The following PTPRT variants were observed in gnomAD, a reference collection of about 807,000 sequenced individuals.
PTPRT encodes protein tyrosine phosphatase receptor type T.
PTPRT carries 56 observed loss-of-function variants against 176.8 expected under a neutral mutation model. The observed-to-expected ratio is 0.32, with a 90% CI of 0.26 to 0.40. The LOEUF (loss-of-function observed/expected upper bound fraction) is 0.40. PTPRT is among the 10% of genes least tolerant of loss of function. PTPRT has a pLI of 1.00. For synonymous variants in PTPRT, 783 were observed against 739.0 expected, an observed-to-expected ratio of 1.06 and a Z score of -0.96; for missense variants, 1,540 against 1,908.2, an observed-to-expected ratio of 0.81 and a Z score of 3.60.
intron 7 of PTPRT, among the ~76,000 whole-genome samples, chr20:42,563,705 T>C (rs1440137571): frequency 6.6e-6 from 1 of 152,226 alleles, no homozygotes; most frequent in Non-Finnish European, 1.5e-5. Context: ...CATGGAGAGC[T>C]GTTCATATCC....
chr20:42,123,467 A>G (rs1987694185), intron 19 of PTPRT, among the ~76,000 whole-genome samples: 1 of 152,210 alleles, frequency 6.6e-6, no homozygotes, highest in Non-Finnish European at 1.5e-5. Flanking sequence ...ACTAATGGGA[A>G]GATGTGGGGA....
chr20:43,130,814 CAA>C (rs77205622), intron 1 of PTPRT, among the ~76,000 whole-genome samples: 5 of 117,412 alleles, frequency 4.3e-5, no homozygotes, highest in Non-Finnish European at 5.5e-5. Context: ...GAAGGATTTT[CAA>C]AAAAAAAAAA....
intron 7 of PTPRT, among the ~76,000 whole-genome samples, chr20:42,638,129 A>T (rs1009236557): frequency 6.6e-6 from 1 of 152,154 alleles, no homozygotes; most frequent in South Asian, 2.1e-4. Flanking sequence ...TTATCAGCAC[A>T]CTACTGATTC....
intron 22 of PTPRT, among the ~76,000 whole-genome samples, chr20:42,110,892 G>A (rs981981768): frequency 2.0e-5 from 3 of 152,178 alleles, no homozygotes; most frequent in South Asian, 2.1e-4. Context: ...TGTTTCCAGT[G>A]GAATCTGAGG....
At chr20:42,215,540 C>A (rs755696356) in intron 15 of PTPRT, among the ~76,000 whole-genome samples, 1 of 152,080 alleles carries the variant, frequency 6.6e-6, no homozygotes, top group Non-Finnish European at 1.5e-5. Flanking sequence ...ATCTGCTTCC[C>A]AAGATGAGCA....
At chr20:42,676,865 C>A (rs2075513826) in intron 7 of PTPRT, among the ~76,000 whole-genome samples, 1 of 152,130 alleles carries the variant, frequency 6.6e-6, no homozygotes, top group Non-Finnish European at 1.5e-5. Context: ...TGTTGTTAGC[C>A]AATAGCCCCT....
chr20:42,157,710 C>T (rs1349296552), intron 17 of PTPRT, among the ~76,000 whole-genome samples: 1 of 152,138 alleles, frequency 6.6e-6, no homozygotes, highest in Non-Finnish European at 1.5e-5. Flanking sequence ...GTCAAATTCC[C>T]CTCTCCTAGA....
In PTPRT at chr20:42,153,472, C is replaced by A. The variant is rs189314791; in HGVS notation, c.2682+7880G>T. 1.5e-3 allele frequency among the ~76,000 whole-genome samples: 228 copies of A among 152,208 alleles called. 1 individual carries two copies. The highest frequency in any genetic ancestry group is 6.2e-4 in the Non-Finnish European group (42 of 68,002). On this transcript the variant is annotated intron_variant, in intron 17 of 30. Coordinates refer to ENST00000373187, the MANE Select transcript of PTPRT (RefSeq NM_007050.6). ...TCAAAGGATTTTTCTATAGTACCAC[C>A]TGAAAATTGCTCACTTGGTTGGGGG...
chr20:42,074,658 C>G lies in PTPRT; in HGVS notation c.*6221G>C, dbSNP rs1982600713. The G allele has an allele frequency of 2.5e-6, 1 of 397,276 alleles. No homozygotes were observed. Among genetic ancestry groups the G allele is most frequent in the Non-Finnish European group, 4.4e-6 (1 of 225,584 alleles). The allele number at this position is 397,276 out of a possible 1,614,324, so 24.6% of individuals were successfully genotyped here. A position where few individuals can be genotyped will look rare whatever the true frequency, so the allele number is the denominator to read the frequency against. On this transcript the variant is annotated 3_prime_UTR_variant, in exon 31 of 31. Transcript: ENST00000373187. ...TGCCCCAGTGGACCACCCCTGAGCT[C>G]TTAGATAGGTGGGATGCTAGGTTTG...
chr20:42,612,639 T>C (rs2073994663), intron 7 of PTPRT, among the ~76,000 whole-genome samples: 1 of 152,196 alleles, frequency 6.6e-6, no homozygotes, highest in Non-Finnish European at 1.5e-5. Flanking sequence ...AGTAGACAGC[T>C]GTCTGCTCCA....
rs946899310 is a variant in PTPRT, at chr20:42,858,657, C to T, written c.214+27150G>A. Among the ~76,000 whole-genome samples, 6 of 152,174 alleles carry T rather than the reference C, an allele frequency of 3.9e-5. No individual in the cohort carries two copies. The South Asian group carries it at 1.0e-3, about 26-fold the overall frequency. Reference sequence around the variant, plus strand: ...TCACGAGATATGGAATCTTCTAGCACCTTGATCTTCAACTTCCCAGCCTCT... The same window carrying T: ...TCACGAGATATGGAATCTTCTAGCATCTTGATCTTCAACTTCCCAGCCTCT... On this transcript the variant is annotated intron_variant, in intron 2 of 30. Coordinates refer to ENST00000373187, the MANE Select transcript of PTPRT (RefSeq NM_007050.6).
At chr20:42,488,950 CAA>C (rs34356678) in intron 7 of PTPRT, among the ~76,000 whole-genome samples, 39 of 118,738 alleles carry the variant, frequency 3.3e-4, no homozygotes, top group East Asian at 5.0e-4. Flanking sequence ...AACTCTGTCT[CAA>C]AAAAAAAAAA....
At chr20:42,306,140 C>T (rs1370380277) in intron 12 of PTPRT, among the ~76,000 whole-genome samples, 1 of 152,138 alleles carries the variant, frequency 6.6e-6, no homozygotes, top group Admixed American at 6.5e-5. Context: ...AGGTCTCATA[C>T]CATGATAATA....
intron 13 of PTPRT, among the ~76,000 whole-genome samples, chr20:42,278,897 T>G (rs1178432202): frequency 6.6e-6 from 1 of 152,192 alleles, no homozygotes; most frequent in African/African-American, 2.4e-5. Context: ...TAAGCACCTG[T>G]GGCTGACATC....
chr20:42,987,032 G>A (rs1367590020), intron 1 of PTPRT, among the ~76,000 whole-genome samples: 1 of 152,116 alleles, frequency 6.6e-6, no homozygotes, highest in Non-Finnish European at 1.5e-5. Context: ...ATGGTACTGG[G>A]GCTGTAGGAA....
chr20:42,964,062 T>C (rs542675040), intron 1 of PTPRT, among the ~76,000 whole-genome samples: 2 of 152,198 alleles, frequency 1.3e-5, no homozygotes, highest in Non-Finnish European at 1.5e-5. Context: ...TGCCAGCCCC[T>C]GCAACCTACT....
chr20:42,340,443 A>AT (rs780043916), intron 11 of PTPRT, among the ~76,000 whole-genome samples: 1 of 152,126 alleles, frequency 6.6e-6, no homozygotes, highest in Non-Finnish European at 1.5e-5. Context: ...GTAACCACAC[A>AT]TTTTTTTGGC....
chr20:42,363,777 G>A (rs6065466), intron 9 of PTPRT, among the ~76,000 whole-genome samples: 39,359 of 151,934 alleles, frequency 0.26, 5,555 homozygotes, highest in African/African-American at 0.36. Flanking sequence ...AGACTTAAGG[G>A]GAGCAACTTC....
intron 15 of PTPRT, among the ~76,000 whole-genome samples, chr20:42,217,265 G>C (rs6030056): frequency 0.62 from 94,659 of 151,592 alleles, 30,390 homozygotes; most frequent in African/African-American, 0.77. Flanking sequence ...CCCAGCTACT[G>C]GGGAGGCTGA....
Sources: allele counts gnomAD v4.1 joint callset (sites outside exome capture counted in the v4.1 genomes callset), GRCh38; gene constraint gnomAD v4.1.1; transcripts MANE v1.5; gene names NCBI Gene and HGNC (gene_info 2026-07-23, HGNC 2026-07-21).